The following ABHD18 variants were observed in gnomAD, a reference collection of about 807,000 sequenced individuals.
ABHD18 encodes the protein abhydrolase domain containing 18, also known as cardiolipin-specific deacylase, mitochondrial.
In ABHD18, 55 loss-of-function variants were observed where a neutral mutation model predicts 65.9. The observed-to-expected ratio is 0.84, with a 90% CI of 0.67 to 1.05. The LOEUF is 1.05. ABHD18 is among the 50% of genes least tolerant of loss of function. The probability of loss-of-function intolerance (pLI) is 0.00; values close to 1 mark genes in which losing one functional copy is unlikely to be tolerated. For missense variants in ABHD18, 533 were observed against 558.5 expected (o/e 0.95, Z 0.46); for synonymous variants, 181 against 180.2 (o/e 1.00, Z -0.04).
intron 12 of ABHD18, among the ~76,000 whole-genome samples, chr4:128,033,758 G>A (rs1758540174): frequency 1.3e-5 from 2 of 151,364 alleles, no homozygotes; most frequent in Admixed American, 6.6e-5. Flanking sequence ...GGATGGTCTC[G>A]ATCTCCTGAC....
At chr4:127,970,095 C>T (rs1746445909) in intron 1 of ABHD18, among the ~76,000 whole-genome samples, 1 of 151,828 alleles carries the variant, frequency 6.6e-6, no homozygotes. Context: ...GTTGACCAGG[C>T]TGGTTTCAGA....
At chr4:127,972,520 CTTTTTTTTTT>C (rs11286287) in intron 1 of ABHD18, among the ~76,000 whole-genome samples, 2 of 60,872 alleles carry the variant, frequency 3.3e-5, no homozygotes, top group Admixed American at 2.5e-4. Flanking sequence ...CAGATATACT[CTTTTTTTTTT>C]TTTTTTTTTT....
intron 2 of ABHD18, 123 bp from the exon 3 acceptor site, chr4:127,984,216 T>C (rs2149074267): frequency 1.9e-6 from 1 of 525,982 alleles, no homozygotes. Flanking sequence ...AATTAAATTT[T>C]AATATGGCTT....
intron 10 of ABHD18, among the ~76,000 whole-genome samples, chr4:128,027,946 T>A (rs1579457977): frequency 6.6e-6 from 1 of 152,242 alleles, no homozygotes; most frequent in East Asian, 1.9e-4. Flanking sequence ...AGTTAAATTT[T>A]AATACATCTT....
At chr4:127,967,471 TCA>T (rs1469292577) in intron 1 of ABHD18, among the ~76,000 whole-genome samples, 1 of 152,170 alleles carries the variant, frequency 6.6e-6, no homozygotes, top group Non-Finnish European at 1.5e-5. Context: ...TAGTAGATAT[TCA>T]GTTTTTATCT....
chr4:127,997,897 T>G (rs1223940563), intron 4 of ABHD18, among the ~76,000 whole-genome samples: 1 of 151,998 alleles, frequency 6.6e-6, no homozygotes, highest in East Asian at 1.9e-4. Flanking sequence ...TGTTTGTTTG[T>G]TTTTTGTTTT....
chr4:128,008,633 A>G (rs1754042163), intron 4 of ABHD18, among the ~76,000 whole-genome samples: 3 of 152,016 alleles, frequency 2.0e-5, no homozygotes, highest in Admixed American at 2.0e-4. Flanking sequence ...AGATAAGAAA[A>G]TTTCTTTATG....
intron 10 of ABHD18, among the ~76,000 whole-genome samples, chr4:128,022,782 T>G (rs1362684710): frequency 1.3e-5 from 2 of 151,632 alleles, no homozygotes; most frequent in Non-Finnish European, 2.9e-5. Flanking sequence ...TTTTTTTTTT[T>G]TTTCTCTGTC....
At chr4:127,974,243 G>A (rs1165759143) in intron 1 of ABHD18, among the ~76,000 whole-genome samples, 5 of 121,300 alleles carry the variant, frequency 4.1e-5, no homozygotes, top group South Asian at 2.8e-4. Flanking sequence ...TGTCGCCCAC[G>A]CTGGAGAGCA....
intron 3 of ABHD18, among the ~76,000 whole-genome samples, chr4:127,987,717 A>AG (rs1047482634): frequency 1.3e-5 from 2 of 151,728 alleles, no homozygotes; most frequent in African/African-American, 4.8e-5. Flanking sequence ...AAAAAAAAAA[A>AG]ATAAATAAAT....
chr4:128,031,056 T>C, intron 12 of ABHD18: 1 of 997,956 alleles, frequency 1.0e-6, no homozygotes, highest in Non-Finnish European at 1.2e-6. Context: ...TGGAATAATT[T>C]AGCAATGTTT....
intron 1 of ABHD18, among the ~76,000 whole-genome samples, chr4:127,970,601 A>G (rs1746568816): frequency 1.3e-5 from 2 of 151,452 alleles, no homozygotes; most frequent in African/African-American, 2.4e-5. Context: ...AAAAAAAAAA[A>G]AAAAAAAAAG....
At chr4:128,031,871 C>T (rs146578223) in intron 12 of ABHD18, among the ~76,000 whole-genome samples, 1 of 152,302 alleles carries the variant, frequency 6.6e-6, no homozygotes, top group East Asian at 1.9e-4. Flanking sequence ...AGTGAGCAGA[C>T]TATCCAATAC....
At chr4:127,991,563 T>G (rs1318324671) in intron 4 of ABHD18, among the ~76,000 whole-genome samples, 1 of 152,136 alleles carries the variant, frequency 6.6e-6, no homozygotes, top group Non-Finnish European at 1.5e-5. Flanking sequence ...TCTAAATCAG[T>G]GTTGAACCTA....
At chr4:128,003,623 C>T (rs1035976282) in intron 4 of ABHD18, among the ~76,000 whole-genome samples, 2 of 151,906 alleles carry the variant, frequency 1.3e-5, no homozygotes, top group Non-Finnish European at 2.9e-5. Context: ...ATTCTTTTCT[C>T]TTAAAAACAT....
intron 1 of ABHD18, among the ~76,000 whole-genome samples, chr4:127,970,913 A>G (rs1746641964): frequency 6.6e-6 from 1 of 151,996 alleles, no homozygotes; most frequent in Non-Finnish European, 1.5e-5. Context: ...TGTCTCTACT[A>G]AAAATACAAA....
At chr4:127,976,445 C>T (rs932567563) in intron 1 of ABHD18, among the ~76,000 whole-genome samples, 1 of 151,760 alleles carries the variant, frequency 6.6e-6, no homozygotes, top group Non-Finnish European at 1.5e-5. Context: ...TTCCTCAATG[C>T]AAAAAATGTG....
chr4:128,001,071 T>C (rs758037009), intron 4 of ABHD18, among the ~76,000 whole-genome samples: 4 of 152,182 alleles, frequency 2.6e-5, no homozygotes, highest in Non-Finnish European at 5.9e-5. Context: ...TATAATATTA[T>C]ATTGTCTGCA....
Position 128,017,500 on chromosome 4 carries a change from A to G in ABHD18, c.608A>G (p.His203Arg), listed in dbSNP as rs759499203. 10 of 1,595,670 alleles carry G rather than the reference A, an allele frequency of 6.3e-6. No individual in the cohort carries two copies. In the South Asian group the frequency reaches 1.0e-4, roughly 17 times the overall value. The change falls in exon 8 of 13, where the codon CAC becomes CGC. Residue 203 changes from histidine to arginine, a missense_variant and splice_region_variant. His to Arg is a conservative substitution (Grantham distance 29, BLOSUM62 0). Coordinates refer to ENST00000645843, the MANE Select transcript of ABHD18 (RefSeq NM_001358451.3). Reference protein sequence around the residue: ...LGMTGISMGGHMASLAVSNWP... With the variant: ...LGMTGISMGGRMASLAVSNWP... ...ATGACTGGAATATCCATGGGAGGAC[A>G]CGTAAGCCTTTTTATTTCTGCTTAC... is the stretch of plus-strand genomic sequence containing the variant.
Sources: allele counts gnomAD v4.1 joint callset (sites outside exome capture counted in the v4.1 genomes callset), GRCh38; gene constraint gnomAD v4.1.1; transcripts MANE v1.5; gene names NCBI Gene and HGNC (gene_info 2026-07-23, HGNC 2026-07-21).